INPP5F: variants seen among roughly 807,000 people sequenced by gnomAD.
INPP5F encodes the protein inositol polyphosphate-5-phosphatase F.
In INPP5F, 97 loss-of-function variants were observed where a neutral mutation model predicts 137.2. That is an observed-to-expected ratio of 0.71 (90% CI 0.60 to 0.84). INPP5F has a LOEUF of 0.84. Among genes scored for constraint, INPP5F ranks in the 40% least tolerant of loss-of-function variants. The pLI, the probability that INPP5F is intolerant of heterozygous loss-of-function variation, is 0.00. For missense variants in INPP5F, 1,271 were observed against 1,371.9 expected (o/e 0.93, Z 1.16); for synonymous variants, 504 against 476.9 (o/e 1.06, Z -0.74).
intron 15 of INPP5F, among the ~76,000 whole-genome samples, chr10:119,820,036 C>T (rs1478491254): frequency 6.6e-6 from 1 of 152,208 alleles, no homozygotes; most frequent in Non-Finnish European, 1.5e-5. Flanking sequence ...AGAAACATCT[C>T]TCTTTTGCTG....
intron 1 of INPP5F, among the ~76,000 whole-genome samples, chr10:119,728,381 TA>T (rs1847951312): frequency 6.6e-6 from 1 of 152,272 alleles, no homozygotes; most frequent in South Asian, 2.1e-4. Context: ...AATGGCATTT[TA>T]ATTGAATAAG....
rs10749329 is a variant in INPP5F at position 119,748,899 on chromosome 10, C to T, written c.98-2177C>T. On this transcript the variant is annotated intron_variant, in intron 1 of 19. Coordinates refer to ENST00000650623, the MANE Select transcript of INPP5F (RefSeq NM_014937.4). The surrounding 1 kb of genome is among the most constrained non-coding windows in gnomAD (Gnocchi z 4.7). ...TCTGGACAGGAACCTGTGTCTGTCT[C>T]CCTCCACTGCCCAGGCTGTTTGGGC... Among the ~76,000 whole-genome samples the T allele has an allele frequency of 6.6e-6, 1 of 151,994 alleles. No homozygotes were observed. Among genetic ancestry groups the T allele is most frequent in the Non-Finnish European group, 1.5e-5 (1 of 67,978 alleles).
chr10:119,795,993 A>G (rs1850365451), intron 6 of INPP5F, among the ~76,000 whole-genome samples: 1 of 144,200 alleles, frequency 6.9e-6, no homozygotes, highest in Non-Finnish European at 1.5e-5. Flanking sequence ...CAGGAGAATC[A>G]GGCAGGGAGG....
chr10:119,760,259 GTTTGT>G (rs1295550359), intron 2 of INPP5F, among the ~76,000 whole-genome samples: 1 of 152,132 alleles, frequency 6.6e-6, no homozygotes, highest in Non-Finnish European at 1.5e-5. Context: ...CATATTAAAG[GTTTGT>G]TTTCTAGCCT....
chr10:119,806,314 C>A (rs1395920162), intron 11 of INPP5F, 46 bp from the exon 12 acceptor site: 1 of 1,333,138 alleles, frequency 7.5e-7, no homozygotes, highest in Non-Finnish European at 1.0e-6. Flanking sequence ...TTTTGAAAAC[C>A]CTATTATTTT....
intron 9 of INPP5F, among the ~76,000 whole-genome samples, chr10:119,801,862 G>T (rs570931324): frequency 6.6e-6 from 1 of 152,092 alleles, no homozygotes; most frequent in Non-Finnish European, 1.5e-5. Context: ...GGAAATAACC[G>T]CCTCCCACAC....
At chr10:119,757,157 C>T (rs901104082) in intron 2 of INPP5F, among the ~76,000 whole-genome samples, 1 of 152,188 alleles carries the variant, frequency 6.6e-6, no homozygotes, top group African/African-American at 2.4e-5. Flanking sequence ...TTACTGCAAC[C>T]TCAGCCTCCT....
chr10:119,751,247 G>T, intron 2 of INPP5F, 91 bp downstream of exon 2: 1 of 816,604 alleles, frequency 1.2e-6, no homozygotes, highest in South Asian at 1.4e-5. Context: ...TTCTCTTATA[G>T]CTTTGATTCC....
At chr10:119,794,689 G>GT (rs1850269601) in intron 6 of INPP5F, among the ~76,000 whole-genome samples, 5 of 149,540 alleles carry the variant, frequency 3.3e-5, no homozygotes, top group African/African-American at 9.8e-5. Context: ...GGCTGGCCAG[G>GT]CGGGGGGCTG....
intron 8 of INPP5F, among the ~76,000 whole-genome samples, 164 bp from the exon 9 acceptor site, chr10:119,798,374 AAAAAT>A (rs1850461227): frequency 6.6e-6 from 1 of 152,186 alleles, no homozygotes; most frequent in Admixed American, 6.5e-5. Context: ...TAACTGGAAA[AAAAAT>A]CAGATCTTTG....
At chr10:119,824,510 C>T (rs187473410) in intron 19 of INPP5F, among the ~76,000 whole-genome samples, 90 of 152,196 alleles carry the variant, frequency 5.9e-4, no homozygotes, top group Non-Finnish European at 1.0e-3. Flanking sequence ...CTTAGTGCCT[C>T]GTGCTGTGGG....
intron 3 of INPP5F, among the ~76,000 whole-genome samples, chr10:119,785,460 T>G (rs926404797): frequency 1.2e-4 from 18 of 151,100 alleles, no homozygotes; most frequent in Admixed American, 1.2e-3. Context: ...TCATTTTTTG[T>G]ATTTTTAGCA....
At chr10:119,793,098 C>A (rs1850205676) in intron 6 of INPP5F, among the ~76,000 whole-genome samples, 1 of 152,146 alleles carries the variant, frequency 6.6e-6, no homozygotes, top group Non-Finnish European at 1.5e-5. Context: ...AGGAGAAAAG[C>A]AGGGGCATCT....
Position 119,807,996 on chromosome 10 carries a change from A to C in INPP5F, c.1505A>C (p.Gln502Pro), listed in dbSNP as rs764176216. 1 of 1,614,060 alleles carries C rather than the reference A, an allele frequency of 6.2e-7. No homozygotes were observed. Among genetic ancestry groups the C allele is most frequent in the Non-Finnish European group, 8.5e-7 (1 of 1,180,006 alleles). The change falls in exon 13 of 20, where the codon CAG becomes CCG. Residue 502 changes from glutamine to proline, a missense_variant. By Grantham distance (76) the Gln-to-Pro change is moderately conservative. Coordinates refer to ENST00000650623, the MANE Select transcript of INPP5F (RefSeq NM_014937.4). ...PLPVKCNRIY[Q>P]IMWANNGDSI... Reference sequence around the variant, plus strand: ...CCTGTGAAATGTAATCGCATCTACCAGATAATGTGGGCCAATAATGGTGAC... The same window carrying C: ...CCTGTGAAATGTAATCGCATCTACCCGATAATGTGGGCCAATAATGGTGAC...
At chr10:119,772,967 C>A (rs1361326639) in intron 2 of INPP5F, among the ~76,000 whole-genome samples, 1 of 151,960 alleles carries the variant, frequency 6.6e-6, no homozygotes, top group African/African-American at 2.4e-5. Flanking sequence ...CCAGGATGGT[C>A]TTGAATTCAT....
chr10:119,798,362 T>C (rs1850460751), intron 8 of INPP5F, among the ~76,000 whole-genome samples, 181 bp from the exon 9 acceptor site: 2 of 152,148 alleles, frequency 1.3e-5, no homozygotes, highest in Admixed American at 1.3e-4. Flanking sequence ...TTTAGTGTAG[T>C]GTAACTGGAA....
chr10:119,739,696 C>G (rs1848318866), intron 1 of INPP5F, among the ~76,000 whole-genome samples: 2 of 152,046 alleles, frequency 1.3e-5, no homozygotes, highest in Admixed American at 1.3e-4. Context: ...GTGGCGTGAT[C>G]ATGGGTCACT....
intron 11 of INPP5F, 114 bp from the exon 12 acceptor site, chr10:119,806,246 A>G (rs1850780025): frequency 7.4e-6 from 5 of 674,986 alleles, no homozygotes; most frequent in African/African-American, 1.8e-5. Context: ...ATAAAGATAC[A>G]CCAAGCAAAT....
chr10:119,800,392 GAAA>G (rs35460473), intron 9 of INPP5F, among the ~76,000 whole-genome samples: 1 of 117,526 alleles, frequency 8.5e-6, no homozygotes. Flanking sequence ...TGTCTCTACT[GAAA>G]AAAAAAAAAA....
Sources: gnomAD v4.1 joint callset for allele counts (sites outside exome capture counted in the v4.1 genomes callset) on GRCh38, gnomAD v4.1.1 for gene constraint, Gnocchi (gnomAD v3.1) non-coding constraint, MANE v1.5 for transcripts, NCBI Gene and HGNC (gene_info 2026-07-23, HGNC 2026-07-21) for gene names.